ANKRD52: variants seen among roughly 807,000 people sequenced by gnomAD.
ANKRD52 encodes the protein ankyrin repeat domain 52, also known as serine/threonine-protein phosphatase 6 regulatory ankyrin repeat subunit C.
Under a neutral mutation model 116.0 loss-of-function variants are expected in ANKRD52, and 7 were observed. The ratio of observed to expected loss-of-function variants is 0.06; its 90% confidence interval spans 0.03 to 0.11. The LOEUF (loss-of-function observed/expected upper bound fraction) is 0.11. ANKRD52 is among the 10% of genes least tolerant of loss of function. The pLI is 1.00. For synonymous variants in ANKRD52, 528 were observed against 578.1 expected, an observed-to-expected ratio of 0.91 and a Z score of 1.24; for missense variants, 839 against 1,408.6, an observed-to-expected ratio of 0.60 and a Z score of 6.47.
rs1352435801 is a variant in ANKRD52, at chr12:56,254,013, C to A, written c.906+54G>T. 6.5e-7 allele frequency: 1 copy of A among 1,540,226 alleles called. No individual in the cohort carries two copies. The highest frequency in any genetic ancestry group is 8.9e-7 in the Non-Finnish European group (1 of 1,117,570). On this transcript the variant is annotated intron_variant, in intron 8 of 27. Transcript: ENST00000267116. This position sits in a 1 kb window ranked among gnomAD's most constrained non-coding sequence, Gnocchi z 4.6. ...GAGAGCTATCCAGATACAGTCAGGA[C>A]CCCTAGATCCAAGTTTCGCTCCCCA...
chr12:56,244,145 GA>G lies in ANKRD52; in HGVS notation c.2806-13del. On this transcript the variant is annotated splice_polypyrimidine_tract_variant and intron_variant, in intron 25 of 27. Coordinates refer to ENST00000267116, the MANE Select transcript of ANKRD52 (RefSeq NM_173595.4). This position sits in a 1 kb window ranked among gnomAD's most constrained non-coding sequence, Gnocchi z 4.9. ...CATTTCTCATGGCCCTGAGGGAGGG[GA>G]ACAGAGAGTGGAGACTTGTGAAGTA... 1 of 1,613,682 alleles carries G rather than the reference GA, an allele frequency of 6.2e-7. No individual in the cohort carries two copies. The highest frequency in any genetic ancestry group is 1.7e-5 in the Admixed American group (1 of 60,026).
At position 56,254,613 on chromosome 12, in the gene ANKRD52, C is replaced by T. The variant is rs1055744584; in HGVS notation, c.658G>A (p.Glu220Lys). The change falls in exon 7 of 28, where the codon GAA (glutamate) becomes AAA (lysine). Residue 220 changes from glutamate (E) to lysine (K), a missense_variant. Physicochemically the swap from Glu to Lys is moderately conservative, Grantham distance 56. Transcript: ENST00000267116. This position sits in a 1 kb window ranked among gnomAD's most constrained non-coding sequence, Gnocchi z 4.6. ...ATCCGAAGCAGGTACTTCACCACTT[C>T]AATCTGGCCACTGGCAGCAGCTGTA... is the stretch of plus-strand genomic sequence containing the variant. ...LHTAAASGQI[E>K]VVKYLLRMGA... The T allele has an allele frequency of 1.2e-6, 2 of 1,613,998 alleles. No homozygotes were observed. The highest frequency in any genetic ancestry group is 1.7e-5 in the Admixed American group (1 of 60,014).
At position 56,243,848 on chromosome 12, in the gene ANKRD52, G is replaced by T; in HGVS notation, c.2917C>A (p.Leu973Ile). 1.9e-6 allele frequency: 3 copies of T among 1,566,506 alleles called. No individual in the cohort carries two copies. Among genetic ancestry groups the T allele is most frequent in the South Asian group, 2.4e-5 (2 of 84,970 alleles). Residue 973 changes from leucine to isoleucine, a missense_variant, in exon 27 of 28, where the codon CTA becomes ATA. Coordinates refer to ENST00000267116, the MANE Select transcript of ANKRD52 (RefSeq NM_173595.4). The surrounding 1 kb of genome is among the most constrained non-coding windows in gnomAD (Gnocchi z 4.6). ...MPLHIAARNGLASVVQALLSH... is the reference protein window; with the variant it reads ...MPLHIAARNGIASVVQALLSH... ...AGCAGGGCCTGTACCACAGAAGCTA[G>T]ACCATTCCGGGCAGCAATGTGGAGT... is the stretch of plus-strand genomic sequence containing the variant.
chr12:56,252,639 G>C lies in ANKRD52; in HGVS notation c.1302-69C>G. 1 of 1,560,264 alleles carries C rather than the reference G, an allele frequency of 6.4e-7. No homozygotes were observed. ...GCCACAGGCCCAGGGTGGGGCTAAG[G>C]AAGGATGGGACTAGCAAGCCCTTTC... On this transcript the variant is annotated intron_variant, in intron 12 of 27. Transcript: ENST00000267116. The surrounding 1 kb of genome is among the most constrained non-coding windows in gnomAD (Gnocchi z 4.7).
At chr12:56,258,056 G>C (rs1872050512) in intron 1 of ANKRD52, 145 bp from the exon 2 acceptor site, 1 of 1,316,732 alleles carries the variant, frequency 7.6e-7, no homozygotes, top group African/African-American at 1.5e-5. Flanking sequence ...GCGAGCTCCC[G>C]CGGTGCCTCC....
rs201426928 is a variant in ANKRD52 at position 56,255,193 on chromosome 12, CTT to C, written c.463-243_463-242del. ...CAGGTGATCTGGTGGTTCTTAAACT[CTT>C]TTTTTTTTTTTTTTTGAGACAGTCT... On this transcript the variant is annotated intron_variant, in intron 5 of 27. Coordinates refer to ENST00000267116, the MANE Select transcript of ANKRD52 (RefSeq NM_173595.4). The surrounding 1 kb of genome is among the most constrained non-coding windows in gnomAD (Gnocchi z 4.3). 0.037 allele frequency: 9,315 copies of C among 250,990 alleles called. No homozygotes were observed. The highest frequency in any genetic ancestry group is 0.056 in the Middle Eastern group (41 of 736). The allele number at this position is 250,990 out of a possible 1,614,324, so 15.5% of individuals were successfully genotyped here.
At chr12:56,256,975 T>A (rs531128114) in intron 4 of ANKRD52, 40 bp downstream of exon 4, 9 of 1,591,936 alleles carry the variant, frequency 5.7e-6, no homozygotes, top group Non-Finnish European at 7.7e-6. Context: ...TTAAGCAACT[T>A]ATCCTTTTTG....
chr12:56,258,356 T>G lies in ANKRD52; in HGVS notation c.-87A>C. 1.5e-5 allele frequency: 21 copies of G among 1,356,772 alleles called. No individual in the cohort carries two copies. Among genetic ancestry groups the G allele is most frequent in the Non-Finnish European group, 2.0e-5 (21 of 1,051,850 alleles). The allele number at this position is 1,356,772 out of a possible 1,614,324, so 84.0% of individuals were successfully genotyped here. A position where few individuals can be genotyped will look rare whatever the true frequency, so the allele number is the denominator to read the frequency against. The stretch of plus-strand genomic sequence containing the variant: ...GACACGGAGCGGCCCAGGCGGCGGC[T>G]GCGGTGGCGGCTGCAGGGAGAGCGC... On this transcript the variant is annotated 5_prime_UTR_variant, in exon 1 of 28. Coordinates refer to ENST00000267116, the MANE Select transcript of ANKRD52 (RefSeq NM_173595.4).
At position 56,253,268 on chromosome 12, in the gene ANKRD52, G is replaced by C; in HGVS notation, c.1100+20C>G. The stretch of plus-strand genomic sequence containing the variant: ...TGCAGATCTGGGCAGCCCAGAAGTG[G>C]AGTCGGGGCCCTGACTCACCGGGCG... On this transcript the variant is annotated intron_variant, in intron 10 of 27. Transcript: ENST00000267116. This position sits in a 1 kb window ranked among gnomAD's most constrained non-coding sequence, Gnocchi z 5.5. 6.2e-7 allele frequency: 1 copy of C among 1,603,368 alleles called. No individual in the cohort carries two copies. The highest frequency in any genetic ancestry group is 8.5e-7 in the Non-Finnish European group (1 of 1,171,736).
chr12:56,247,378 G>A, intron 20 of ANKRD52, 115 bp downstream of exon 20: 17 of 665,834 alleles, frequency 2.6e-5, no homozygotes, highest in East Asian at 3.0e-5. Context: ...AAAGAAAAAA[G>A]ACGGCACAAA....
rs1237393771 is a variant in ANKRD52 at position 56,242,356 on chromosome 12, A to C, written c.*786T>G. On this transcript the variant is annotated 3_prime_UTR_variant, in exon 28 of 28. Transcript: ENST00000267116. The surrounding 1 kb of genome is among the most constrained non-coding windows in gnomAD (Gnocchi z 4.3). ...ATGACCACAGGCTCTGCCCTCCCAA[A>C]AGAAGATAAAAGAAAGAAGCAAGGT... is the stretch of plus-strand genomic sequence containing the variant. 1 of 393,024 alleles carries C rather than the reference A, an allele frequency of 2.5e-6. No individual in the cohort carries two copies. Among genetic ancestry groups the C allele is most frequent in the Non-Finnish European group, 4.5e-6 (1 of 223,182 alleles). The allele number at this position is 393,024 out of a possible 1,614,324, so 24.3% of individuals were successfully genotyped here.
At position 56,245,510 on chromosome 12, in the gene ANKRD52, G is replaced by A. The variant is rs1303716956; in HGVS notation, c.2271C>T (p.Pro757=). Residue 757 remains proline, a synonymous_variant, in exon 21 of 28, where the codon CCC becomes CCT. Transcript: ENST00000267116. ...GGCCACAGGCTGAGGCCAGGTGAATGGGCGTGCGGCCCTTAAAGTCTCGGC... is the reference window on the plus strand; with the variant it reads ...GGCCACAGGCTGAGGCCAGGTGAATAGGCGTGCGGCCCTTAAAGTCTCGGC... ...VLCRDFKGRT[P]IHLASACGHT... is the part of the protein sequence containing the mutation. 4.3e-6 allele frequency: 7 copies of A among 1,611,502 alleles called. No homozygotes were observed. Among genetic ancestry groups the A allele is most frequent in the Non-Finnish European group, 5.9e-6 (7 of 1,179,042 alleles).
intron 20 of ANKRD52, 105 bp from the exon 21 acceptor site, chr12:56,245,701 T>A: frequency 1.8e-4 from 123 of 687,790 alleles, no homozygotes; most frequent in Non-Finnish European, 2.5e-4. Flanking sequence ...AGGGCTCCAA[T>A]CCTTGTCTTT....
chr12:56,244,207 A>C lies in ANKRD52; in HGVS notation c.2806-74T>G. 6.4e-7 allele frequency: 1 copy of C among 1,565,962 alleles called. No homozygotes were observed. Among genetic ancestry groups the C allele is most frequent in the Non-Finnish European group, 8.8e-7 (1 of 1,137,634 alleles). On this transcript the variant is annotated intron_variant, in intron 25 of 27. Coordinates refer to ENST00000267116, the MANE Select transcript of ANKRD52 (RefSeq NM_173595.4). The surrounding 1 kb of genome is among the most constrained non-coding windows in gnomAD (Gnocchi z 4.9). The stretch of plus-strand genomic sequence containing the variant: ...AGGGTGCAGGGCAGGAGTTGGGGAG[A>C]GTAACAGGAGGACAAACAGCTGCCC...
chr12:56,253,389 A>C lies in ANKRD52; in HGVS notation c.999T>G (p.Asp333Glu), dbSNP rs1871793507. Residue 333 changes from aspartate to glutamate, a missense_variant, in exon 10 of 28, where the codon GAT (aspartate) becomes GAG (glutamate). Asp to Glu is a conservative substitution (Grantham distance 45). This residue lies in a region of ANKRD52 where 287 missense variants were observed against 598.1 expected (regional missense o/e 0.48). Transcript: ENST00000267116. This position sits in a 1 kb window ranked among gnomAD's most constrained non-coding sequence, Gnocchi z 5.5. ...QILIQNGSEIDCADKFGNTPL... is the reference protein window; with the variant it reads ...QILIQNGSEIECADKFGNTPL... ...GCGTGTTCCCAAATTTGTCGGCACA[A>C]TCAATCTCGCTGCCTGTGAGGGGAT... is the stretch of plus-strand genomic sequence containing the variant. 1.2e-6 allele frequency: 2 copies of C among 1,613,488 alleles called. No homozygotes were observed. The highest frequency in any genetic ancestry group is 1.7e-6 in the Non-Finnish European group (2 of 1,179,654).
In ANKRD52 at chr12:56,242,458, C is replaced by A. The variant is rs951872621; in HGVS notation, c.*684G>T. On this transcript the variant is annotated 3_prime_UTR_variant, in exon 28 of 28. Coordinates refer to ENST00000267116, the MANE Select transcript of ANKRD52 (RefSeq NM_173595.4). The surrounding 1 kb of genome is among the most constrained non-coding windows in gnomAD (Gnocchi z 4.3). ...GCAGGCTGTGGGGGCAGAACCAGCC[C>A]TTGATTTGCATATGAGGAGCCAGGG... 35 of 330,324 alleles carry A rather than the reference C, an allele frequency of 1.1e-4. No homozygotes were observed. The highest frequency in any genetic ancestry group is 1.4e-4 in the Non-Finnish European group (25 of 182,860). 20.5% of individuals were successfully genotyped at this position (330,324 alleles called of 1,614,324 possible).
chr12:56,244,497 C>G lies in ANKRD52; in HGVS notation c.2723-62G>C. 2 of 1,598,752 alleles carry G rather than the reference C, an allele frequency of 1.3e-6. No homozygotes were observed. The highest frequency in any genetic ancestry group is 1.3e-5 in the African/African-American group (1 of 74,700). ...CTCCAGAGCAGTAGCCATCCTGGCT[C>G]TCCACTTTGCATCCCGTCTGCAGAT... On this transcript the variant is annotated intron_variant, in intron 24 of 27. Transcript: ENST00000267116. The surrounding 1 kb of genome is among the most constrained non-coding windows in gnomAD (Gnocchi z 4.9).
At position 56,248,183 on chromosome 12, in the gene ANKRD52, C is replaced by T. The variant is rs188974824; in HGVS notation, c.1818G>A (p.Glu606=). 701 of 1,613,978 alleles carry T rather than the reference C, an allele frequency of 4.3e-4. 2 individuals are homozygous for T. In the African/African-American group the frequency reaches 8.5e-3, roughly 20 times the overall value. The change falls in exon 18 of 28, where the codon GAG becomes GAA. Residue 606 remains glutamate (E), a synonymous_variant. Coordinates refer to ENST00000267116, the MANE Select transcript of ANKRD52 (RefSeq NM_173595.4). The surrounding 1 kb of genome is among the most constrained non-coding windows in gnomAD (Gnocchi z 5.1). ...GHCEALKTLA[E]TLVNLDVRDH... is the part of the protein sequence containing the mutation. Reference sequence around the variant, plus strand: ...CCCTTACGTCCAGATTCACCAGCGTCTCCGCCAGCGTCTTCAAGGCTTCAC... The same window carrying T: ...CCCTTACGTCCAGATTCACCAGCGTTTCCGCCAGCGTCTTCAAGGCTTCAC...
In ANKRD52 at chr12:56,252,612, A is replaced by C. The variant is rs777058604; in HGVS notation, c.1302-42T>G. On this transcript the variant is annotated intron_variant, in intron 12 of 27. Transcript: ENST00000267116. This position sits in a 1 kb window ranked among gnomAD's most constrained non-coding sequence, Gnocchi z 4.7. ...TTAAGAGAGTTACAGCCTCAAAGGG[A>C]AGCCACAGGCCCAGGGTGGGGCTAA... is the stretch of plus-strand genomic sequence containing the variant. The C allele has an allele frequency of 1.9e-6, 3 of 1,599,918 alleles. No homozygotes were observed. Among genetic ancestry groups the C allele is most frequent in the Non-Finnish European group, 2.6e-6 (3 of 1,167,884 alleles).
Sources: allele counts gnomAD v4.1 joint callset, GRCh38; gene constraint gnomAD v4.1.1; regional missense constraint gnomAD v4.1.1; non-coding constraint Gnocchi (gnomAD v3.1); transcripts MANE v1.5; gene names NCBI Gene and HGNC (gene_info 2026-07-23, HGNC 2026-07-21).